The following FAM117B variants were observed in gnomAD, a reference collection of about 807,000 sequenced individuals.
FAM117B encodes the protein protein FAM117B.
Under a neutral mutation model 52.8 loss-of-function variants are expected in FAM117B, and 22 were observed. The observed-to-expected ratio is 0.42, with a 90% CI of 0.30 to 0.59. The LOEUF is 0.59. FAM117B is among the 20% of genes least tolerant of loss of function. The pLI, the probability that FAM117B is intolerant of heterozygous loss-of-function variation, is 0.22. For synonymous variants in FAM117B, 309 were observed against 324.1 expected (o/e 0.95, Z 0.50); for missense variants, 678 against 802.6 (o/e 0.84, Z 1.88).
intron 1 of FAM117B, among the ~76,000 whole-genome samples, chr2:202,694,340 G>A (rs1312756308): frequency 1.3e-5 from 2 of 151,512 alleles, no homozygotes; most frequent in African/African-American, 2.4e-5. Flanking sequence ...ACAGGCGCCC[G>A]CCACCACACC....
At chr2:202,713,535 CTA>C (rs1559107717) in intron 2 of FAM117B, among the ~76,000 whole-genome samples, 1 of 152,006 alleles carries the variant, frequency 6.6e-6, no homozygotes, top group East Asian at 1.9e-4. Context: ...GTTCTGATCT[CTA>C]TTATTTTTTC....
At chr2:202,714,685 G>C (rs865865468) in intron 2 of FAM117B, among the ~76,000 whole-genome samples, 30 of 151,722 alleles carry the variant, frequency 2.0e-4, no homozygotes, top group Non-Finnish European at 3.4e-4. Context: ...GCGGCCTTCC[G>C]CAGTGTTTGT....
chr2:202,753,780 A>G (rs952156647), intron 4 of FAM117B, among the ~76,000 whole-genome samples: 1 of 152,048 alleles, frequency 6.6e-6, no homozygotes, highest in Admixed American at 6.6e-5. Flanking sequence ...GAAAAACTCA[A>G]CATCACTGAT....
At chr2:202,698,823 C>T (rs754181744) in intron 2 of FAM117B, among the ~76,000 whole-genome samples, 14 of 152,170 alleles carry the variant, frequency 9.2e-5, no homozygotes, top group Non-Finnish European at 1.5e-4. Flanking sequence ...AAAATGAATA[C>T]GGTGTCCACT....
chr2:202,723,814 C>T (rs1210666387), intron 2 of FAM117B, among the ~76,000 whole-genome samples: 5 of 152,210 alleles, frequency 3.3e-5, no homozygotes, highest in African/African-American at 7.2e-5. Context: ...TGTCAGTTTG[C>T]GCATTTATAA....
rs192890702 is a variant in FAM117B at position 202,685,910 on chromosome 2, A to G, written c.602-9971A>G. Reference sequence around the variant, plus strand: ...AGGACACAAAAAGCATGAACTATTAACAGAAGTAGTCGATAAATTGTAGTC... The same window carrying G: ...AGGACACAAAAAGCATGAACTATTAGCAGAAGTAGTCGATAAATTGTAGTC... On this transcript the variant is annotated intron_variant, in intron 1 of 7. Transcript: ENST00000392238. Among the ~76,000 whole-genome samples the G allele has an allele frequency of 2.1e-3, 322 of 152,326 alleles. 2 individuals are homozygous for G. Among genetic ancestry groups the G allele is most frequent in the Non-Finnish European group, 3.4e-3 (232 of 68,028 alleles).
chr2:202,673,586 T>TA (rs1690335266), intron 1 of FAM117B, among the ~76,000 whole-genome samples: 1 of 151,642 alleles, frequency 6.6e-6, no homozygotes, highest in Non-Finnish European at 1.5e-5. Flanking sequence ...TAGCTGGAAT[T>TA]ACAGTTGCCT....
intron 2 of FAM117B, among the ~76,000 whole-genome samples, chr2:202,697,383 A>G (rs1272139593): frequency 6.6e-6 from 1 of 152,240 alleles, no homozygotes; most frequent in African/African-American, 2.4e-5. Context: ...GGAATGAATG[A>G]GCAAAACAGT....
chr2:202,643,740 C>T (rs993381698), intron 1 of FAM117B, among the ~76,000 whole-genome samples: 4 of 152,006 alleles, frequency 2.6e-5, no homozygotes, highest in Non-Finnish European at 2.9e-5. Context: ...GACAGAGTCT[C>T]GCTCTGTCAC....
chr2:202,731,276 A>G (rs1691340060), intron 4 of FAM117B, among the ~76,000 whole-genome samples: 1 of 141,716 alleles, frequency 7.1e-6, no homozygotes, highest in Non-Finnish European at 1.5e-5. Context: ...ATGCATTAGA[A>G]TGCTGTAATT....
chr2:202,725,974 C>A (rs749560700), intron 3 of FAM117B, among the ~76,000 whole-genome samples: 1 of 151,894 alleles, frequency 6.6e-6, no homozygotes, highest in Non-Finnish European at 1.5e-5. Context: ...TTTTTTAATT[C>A]TTCGTGAAAA....
intron 2 of FAM117B, among the ~76,000 whole-genome samples, chr2:202,699,330 G>T (rs1436984274): frequency 6.9e-6 from 1 of 145,326 alleles, no homozygotes; most frequent in Non-Finnish European, 1.5e-5. Flanking sequence ...GGGAAGCTGA[G>T]ACAGGAGAAT....
In FAM117B at chr2:202,711,185, G is replaced by A. The variant is rs556357946; in HGVS notation, c.754-13732G>A. On this transcript the variant is annotated intron_variant, in intron 2 of 7. Coordinates refer to ENST00000392238, the MANE Select transcript of FAM117B (RefSeq NM_173511.4). ...ATTTACATTCCTGCCAACAGTGTATGAGGGTTCCTTTTTCTCCACATCCTT... is the reference window on the plus strand; with the variant it reads ...ATTTACATTCCTGCCAACAGTGTATAAGGGTTCCTTTTTCTCCACATCCTT... Among the ~76,000 whole-genome samples, 15 of 152,234 alleles carry A rather than the reference G, an allele frequency of 9.9e-5. No homozygotes were observed. In the South Asian group the frequency reaches 3.1e-3, roughly 32 times the overall value.
intron 1 of FAM117B, among the ~76,000 whole-genome samples, chr2:202,692,841 A>G (rs1309566561): frequency 2.0e-5 from 3 of 152,142 alleles, no homozygotes; most frequent in African/African-American, 7.2e-5. Flanking sequence ...TTTTTTTTTA[A>G]GCACAAAAGC....
At chr2:202,654,102 AGT>A (rs374071849) in intron 1 of FAM117B, among the ~76,000 whole-genome samples, 1 of 144,314 alleles carries the variant, frequency 6.9e-6, no homozygotes, top group African/African-American at 2.6e-5. Context: ...AGAGAGTGAG[AGT>A]GTGTGTGTGT....
chr2:202,740,947 C>T (rs890009272), intron 4 of FAM117B, among the ~76,000 whole-genome samples: 6 of 152,102 alleles, frequency 3.9e-5, no homozygotes, highest in African/African-American at 1.4e-4. Flanking sequence ...AATATGATCA[C>T]ACACATACAC....
At chr2:202,763,507 C>T (rs750508819) in intron 7 of FAM117B, among the ~76,000 whole-genome samples, 2 of 152,022 alleles carry the variant, frequency 1.3e-5, no homozygotes, top group Non-Finnish European at 2.9e-5. Flanking sequence ...AAGTTAACTT[C>T]GGTAATTCTG....
chr2:202,705,561 C>T (rs917918698), intron 2 of FAM117B, among the ~76,000 whole-genome samples: 1 of 152,128 alleles, frequency 6.6e-6, no homozygotes, highest in Non-Finnish European at 1.5e-5. Context: ...GCTTAGTGCT[C>T]CAGCATGTCA....
At chr2:202,723,978 A>G (rs2105786643) in intron 2 of FAM117B, among the ~76,000 whole-genome samples, 1 of 150,918 alleles carries the variant, frequency 6.6e-6, no homozygotes, top group South Asian at 2.1e-4. Context: ...TTCATGTGCT[A>G]GGAACTCATT....
Sources: gnomAD v4.1 joint callset for allele counts (sites outside exome capture counted in the v4.1 genomes callset) on GRCh38, gnomAD v4.1.1 for gene constraint, MANE v1.5 for transcripts, NCBI Gene and HGNC (gene_info 2026-07-23, HGNC 2026-07-21) for gene names.